The following ANKS1B variants were observed in gnomAD, a reference collection of about 807,000 sequenced individuals.
The protein encoded by ANKS1B is ankyrin repeat and sterile alpha motif domain-containing protein 1B.
ANKS1B carries 36 observed loss-of-function variants against 148.3 expected under a neutral mutation model. That is an observed-to-expected ratio of 0.24 (90% CI 0.19 to 0.32). The LOEUF is 0.32. Among genes scored for constraint, ANKS1B ranks in the 10% least tolerant of loss-of-function variants. The pLI, the probability that ANKS1B is intolerant of heterozygous loss-of-function variation, is 1.00. For missense variants in ANKS1B, 1,157 were observed against 1,542.6 expected (o/e 0.75, Z 4.19); for synonymous variants, 542 against 560.8 (o/e 0.97, Z 0.47).
intron 8 of ANKS1B, among the ~76,000 whole-genome samples, chr12:99,761,057 C>T (rs28884611): frequency 0.035 from 2,175 of 62,904 alleles, 25 homozygotes; most frequent in Middle Eastern, 0.053. Context: ...AATAAAAAGC[C>T]TAACAACCAA....
At chr12:99,723,508 C>T (rs762204520) in intron 8 of ANKS1B, among the ~76,000 whole-genome samples, 5 of 152,144 alleles carry the variant, frequency 3.3e-5, no homozygotes, top group African/African-American at 9.7e-5. Flanking sequence ...GCCGGAGCCA[C>T]TAGGGGTAGG....
intron 8 of ANKS1B, among the ~76,000 whole-genome samples, chr12:99,761,345 C>T (rs192845252): frequency 4.6e-5 from 7 of 151,870 alleles, no homozygotes; most frequent in African/African-American, 9.6e-5. Flanking sequence ...CAAAAACTTA[C>T]GACGATGAAG....
intron 9 of ANKS1B, among the ~76,000 whole-genome samples, chr12:99,643,177 A>T (rs1224926175): frequency 6.6e-6 from 1 of 152,172 alleles, no homozygotes; most frequent in Admixed American, 6.5e-5. Context: ...TCTTCCACAT[A>T]TAAAATCCAT....
intron 22 of ANKS1B, among the ~76,000 whole-genome samples, chr12:98,795,912 G>A (rs1401946321): frequency 1.3e-5 from 2 of 152,200 alleles, no homozygotes; most frequent in African/African-American, 2.4e-5. Context: ...TGTGTGGACT[G>A]AGTGAACTAA....
intron 9 of ANKS1B, among the ~76,000 whole-genome samples, chr12:99,559,598 T>C (rs555514937): frequency 1.3e-5 from 2 of 152,362 alleles, no homozygotes; most frequent in South Asian, 4.1e-4. Context: ...ATTAACTTGA[T>C]GATTTATAGC....
intron 15 of ANKS1B, among the ~76,000 whole-genome samples, chr12:99,113,603 T>C (rs1349913383): frequency 6.6e-6 from 1 of 152,224 alleles, no homozygotes; most frequent in African/African-American, 2.4e-5. Context: ...AAGTTATCTT[T>C]ATGTCTCTTT....
chr12:99,507,269 C>A (rs2096721151), intron 9 of ANKS1B, among the ~76,000 whole-genome samples: 1 of 151,884 alleles, frequency 6.6e-6, no homozygotes, highest in African/African-American at 2.4e-5. Context: ...TTAATCAAAA[C>A]AACCCATGGA....
intron 12 of ANKS1B, among the ~76,000 whole-genome samples, chr12:99,248,527 C>A (rs2074165557): frequency 1.3e-5 from 2 of 152,200 alleles, no homozygotes; most frequent in Admixed American, 1.3e-4. Context: ...AAAACCTCAT[C>A]ACTTTCTAAA....
intron 9 of ANKS1B, chr12:99,647,753 A>C (rs2098385228): frequency 5.4e-6 from 1 of 185,508 alleles, no homozygotes; most frequent in African/African-American, 2.3e-5. Flanking sequence ...GTGGTTTAGC[A>C]GCAGTGGATG....
At chr12:98,780,988 A>C in intron 24 of ANKS1B, 129 bp downstream of exon 24, 1 of 615,422 alleles carries the variant, frequency 1.6e-6, no homozygotes. Context: ...TATATGTAGG[A>C]AGCATGAAGG....
At chr12:98,772,194 G>T (rs2098594816) in intron 25 of ANKS1B, among the ~76,000 whole-genome samples, 1 of 152,168 alleles carries the variant, frequency 6.6e-6, no homozygotes, top group Non-Finnish European at 1.5e-5. Context: ...TATGTTGAAG[G>T]CTTAACATGC....
At chr12:99,364,009 A>G (rs2092630467) in intron 12 of ANKS1B, among the ~76,000 whole-genome samples, 1 of 152,124 alleles carries the variant, frequency 6.6e-6, no homozygotes, top group African/African-American at 2.4e-5. Context: ...GAGGGCTCTG[A>G]AGCCAGCTTT....
chr12:99,565,848 A>G (rs959978598), intron 9 of ANKS1B, among the ~76,000 whole-genome samples: 18 of 152,324 alleles, frequency 1.2e-4, no homozygotes, highest in African/African-American at 4.1e-4. Context: ...ACCATAAAAG[A>G]AAAGCCACAT....
intron 8 of ANKS1B, among the ~76,000 whole-genome samples, chr12:99,764,047 A>G (rs2062417141): frequency 6.6e-6 from 1 of 152,250 alleles, no homozygotes; most frequent in Non-Finnish European, 1.5e-5. Context: ...TTCTCAGATC[A>G]TAAATATTCC....
chr12:99,714,610 G>A (rs2057062536), intron 8 of ANKS1B, among the ~76,000 whole-genome samples: 1 of 152,026 alleles, frequency 6.6e-6, no homozygotes, highest in South Asian at 2.1e-4. Context: ...ATCACTTGAG[G>A]CACCATGATC....
chr12:99,062,174 T>C (rs1393550214), intron 16 of ANKS1B, among the ~76,000 whole-genome samples: 1 of 152,186 alleles, frequency 6.6e-6, no homozygotes, highest in African/African-American at 2.4e-5. Context: ...CTATCTGACC[T>C]CGAGCAAATC....
Position 99,663,419 on chromosome 12 carries a change from T to A in ANKS1B, c.1129-8209A>T, listed in dbSNP as rs574913166. 2.6e-5 allele frequency among the ~76,000 whole-genome samples: 4 copies of A among 152,046 alleles called. 1 individual carries two copies. Among genetic ancestry groups the A allele is most frequent in the African/African-American group, 9.7e-5 (4 of 41,400 alleles). On this transcript the variant is annotated intron_variant, in intron 8 of 26. Coordinates refer to ENST00000683438, the MANE Select transcript of ANKS1B (RefSeq NM_001352186.2). ...GTAACACTAAACATCTGTTCAAAAT[T>A]TTCTGAAAATTACCTTGCAAGGCTA... is the stretch of plus-strand genomic sequence containing the variant.
intron 12 of ANKS1B, among the ~76,000 whole-genome samples, chr12:99,373,545 A>T (rs1385975543): frequency 4.6e-5 from 7 of 152,146 alleles, no homozygotes; most frequent in Admixed American, 4.6e-4. Flanking sequence ...ATGAATCTTT[A>T]ACTGAACAAC....
intron 15 of ANKS1B, among the ~76,000 whole-genome samples, chr12:99,114,379 G>A (rs867193049): frequency 3.9e-5 from 6 of 152,148 alleles, no homozygotes; most frequent in African/African-American, 7.2e-5. Flanking sequence ...TATCAACAGA[G>A]TAAATAGACA....
Sources: gnomAD v4.1 joint callset for allele counts (sites outside exome capture counted in the v4.1 genomes callset) on GRCh38, gnomAD v4.1.1 for gene constraint, MANE v1.5 for transcripts, NCBI Gene and HGNC (gene_info 2026-07-23, HGNC 2026-07-21) for gene names.